NR6A1: variants seen among roughly 807,000 people sequenced by gnomAD.
NR6A1 encodes retinoic acid receptor-related testis-associated receptor.
NR6A1 carries 7 observed loss-of-function variants against 59.1 expected under a neutral mutation model. The observed-to-expected ratio is 0.12, with a 90% CI of 0.07 to 0.22. NR6A1 has a LOEUF of 0.22. Among genes scored for constraint, NR6A1 ranks in the 10% least tolerant of loss-of-function variants. The probability of loss-of-function intolerance (pLI) is 1.00; values close to 1 mark genes in which losing one functional copy is unlikely to be tolerated. For missense variants in NR6A1, 468 were observed against 611.6 expected (o/e 0.77, Z 2.48); for synonymous variants, 243 against 236.1 (o/e 1.03, Z -0.27).
chr9:124,580,545 C>T lies in NR6A1; in HGVS notation c.143-25975G>A, dbSNP rs375436965. ...CAAAAAAGAACAAAGCTGGGCCAGGCGTGGTGGTTCACACCTGTAATCCCA... is the reference window on the plus strand; with the variant it reads ...CAAAAAAGAACAAAGCTGGGCCAGGTGTGGTGGTTCACACCTGTAATCCCA... On this transcript the variant is annotated intron_variant, in intron 2 of 9. Coordinates refer to ENST00000487099, the MANE Select transcript of NR6A1 (RefSeq NM_033334.4). Among the ~76,000 whole-genome samples the T allele has an allele frequency of 1.5e-4, 23 of 152,248 alleles. No individual in the cohort carries two copies. The East Asian group carries it at 3.1e-3, about 20-fold the overall frequency.
chr9:124,616,355 A>G (rs1835889319), intron 2 of NR6A1, among the ~76,000 whole-genome samples: 1 of 149,988 alleles, frequency 6.7e-6, no homozygotes. Context: ...GTGAGCCAAG[A>G]TCGCGCCAAT....
At chr9:124,704,666 A>G (rs1423039763) in intron 2 of NR6A1, among the ~76,000 whole-genome samples, 1 of 152,168 alleles carries the variant, frequency 6.6e-6, no homozygotes, top group South Asian at 2.1e-4. Flanking sequence ...AAAGCTGTAA[A>G]TCTTCCTCTA....
intron 2 of NR6A1, among the ~76,000 whole-genome samples, chr9:124,577,857 G>C (rs896136065): frequency 6.6e-6 from 1 of 152,204 alleles, no homozygotes; most frequent in Admixed American, 6.5e-5. Context: ...TGGGCTCTCA[G>C]AATTTCTATA....
intron 2 of NR6A1, among the ~76,000 whole-genome samples, chr9:124,639,949 G>A (rs1388115583): frequency 6.6e-6 from 1 of 152,196 alleles, no homozygotes; most frequent in Non-Finnish European, 1.5e-5. Context: ...AAAACACCCT[G>A]TCATACAGGG....
At position 124,657,977 on chromosome 9, in the gene NR6A1, A is replaced by T. The variant is rs576631603; in HGVS notation, c.142+75331T>A. Among the ~76,000 whole-genome samples, 228 of 152,286 alleles carry T rather than the reference A, an allele frequency of 1.5e-3. 1 individual carries two copies. The highest frequency in any genetic ancestry group is 5.3e-3 in the African/African-American group (221 of 41,554). ...ACCTTATCAAACCTATAAAATCAAG[A>T]CCAAGGGTTGGTCTGGATATGAAGC... is the stretch of plus-strand genomic sequence containing the variant. On this transcript the variant is annotated intron_variant, in intron 2 of 9. Coordinates refer to ENST00000487099, the MANE Select transcript of NR6A1 (RefSeq NM_033334.4).
chr9:124,759,413 CCTTGGATTTAGCTTAAACACACTG>C (rs1840726230), intron 1 of NR6A1, among the ~76,000 whole-genome samples: 1 of 152,178 alleles, frequency 6.6e-6, no homozygotes, highest in Non-Finnish European at 1.5e-5. Context: ...GCCTATCAAA[CCTTGGATTTAGCTTAAACACACTG>C]CTTGACTTAG....
intron 2 of NR6A1, among the ~76,000 whole-genome samples, chr9:124,702,022 G>A (rs984963928): frequency 6.6e-6 from 1 of 152,142 alleles, no homozygotes; most frequent in South Asian, 2.1e-4. Flanking sequence ...ACCGCACCCG[G>A]CCTTTACCAG....
chr9:124,763,425 A>G (rs1449831569), intron 1 of NR6A1, among the ~76,000 whole-genome samples: 1 of 152,264 alleles, frequency 6.6e-6, no homozygotes, highest in Non-Finnish European at 1.5e-5. Flanking sequence ...CATTACGATT[A>G]AAATATATTT....
intron 3 of NR6A1, among the ~76,000 whole-genome samples, chr9:124,553,549 C>CTTTTTTTTTTT (rs780925768): frequency 0.028 from 1,336 of 47,400 alleles, 15 homozygotes; most frequent in Non-Finnish European, 0.035. Context: ...TTTAGCTTGA[C>CTTTTTTTTTTT]TTTTTTTTTT....
chr9:124,582,859 C>A lies in NR6A1; in HGVS notation c.143-28289G>T, dbSNP rs186667506. On this transcript the variant is annotated intron_variant, in intron 2 of 9. Transcript: ENST00000487099. ...GCTGAGATTGCATACTGCAAAAGAACAAGACCCCATCTCTCTAAAGAAAAA... is the reference window on the plus strand; with the variant it reads ...GCTGAGATTGCATACTGCAAAAGAAAAAGACCCCATCTCTCTAAAGAAAAA... Among the ~76,000 whole-genome samples the A allele has an allele frequency of 4.6e-5, 7 of 152,294 alleles. No homozygotes were observed. In the East Asian group the frequency reaches 1.4e-3, roughly 29 times the overall value.
chr9:124,765,349 T>C (rs1454340562), intron 1 of NR6A1, among the ~76,000 whole-genome samples: 4 of 152,138 alleles, frequency 2.6e-5, no homozygotes, highest in Non-Finnish European at 4.4e-5. Flanking sequence ...TGACTGTCAA[T>C]ATTAAAACAG....
chr9:124,729,592 T>A (rs563836590), intron 2 of NR6A1, among the ~76,000 whole-genome samples: 1 of 150,648 alleles, frequency 6.6e-6, no homozygotes, highest in South Asian at 2.1e-4. Flanking sequence ...TCAAAAAAAA[T>A]TAAATTAAAT....
intron 2 of NR6A1, among the ~76,000 whole-genome samples, chr9:124,615,804 A>G (rs1835872543): frequency 6.6e-6 from 1 of 152,148 alleles, no homozygotes; most frequent in South Asian, 2.1e-4. Context: ...TTTGCCACTT[A>G]GTACTTGTAC....
chr9:124,748,142 A>C (rs1323511975), intron 1 of NR6A1, among the ~76,000 whole-genome samples: 1 of 152,226 alleles, frequency 6.6e-6, no homozygotes, highest in African/African-American at 2.4e-5. Flanking sequence ...TAAGATATCA[A>C]TAAAGTGATA....
At chr9:124,758,124 T>C (rs926199960) in intron 1 of NR6A1, among the ~76,000 whole-genome samples, 4 of 152,112 alleles carry the variant, frequency 2.6e-5, no homozygotes, top group African/African-American at 9.7e-5. Context: ...AAGGGAATAT[T>C]TTTTTGTGGG....
chr9:124,578,140 G>C (rs1163209392), intron 2 of NR6A1, among the ~76,000 whole-genome samples: 3 of 151,956 alleles, frequency 2.0e-5, no homozygotes, highest in African/African-American at 7.3e-5. Flanking sequence ...AGTACTCTTT[G>C]GGACTTCCAA....
intron 2 of NR6A1, among the ~76,000 whole-genome samples, chr9:124,567,024 C>T (rs989852908): frequency 3.3e-5 from 5 of 150,690 alleles, no homozygotes; most frequent in Admixed American, 3.3e-4. Flanking sequence ...AGGAGAATGG[C>T]GTGAACCCGG....
intron 2 of NR6A1, among the ~76,000 whole-genome samples, chr9:124,645,592 A>G (rs1836907801): frequency 6.6e-6 from 1 of 152,220 alleles, no homozygotes; most frequent in Non-Finnish European, 1.5e-5. Context: ...CTAAGAAGAC[A>G]TAACAATCCT....
intron 2 of NR6A1, among the ~76,000 whole-genome samples, chr9:124,730,431 G>A (rs1281125237): frequency 6.6e-6 from 1 of 151,768 alleles, no homozygotes; most frequent in Non-Finnish European, 1.5e-5. Context: ...GGCTCCCTAT[G>A]TTGCCCAGGC....
Sources: allele counts gnomAD v4.1 joint callset (sites outside exome capture counted in the v4.1 genomes callset), GRCh38; gene constraint gnomAD v4.1.1; transcripts MANE v1.5; gene names NCBI Gene and HGNC (gene_info 2026-07-23, HGNC 2026-07-21).